The following CNOT1 variants were observed in gnomAD, a reference collection of about 807,000 sequenced individuals.
CNOT1 encodes CCR4-associated factor 1.
CNOT1 carries 15 observed loss-of-function variants against 273.8 expected under a neutral mutation model. That is an observed-to-expected ratio of 0.05 (90% CI 0.04 to 0.08). CNOT1 has a LOEUF of 0.08. Among genes scored for constraint, CNOT1 ranks in the 10% least tolerant of loss-of-function variants. The pLI, the probability that CNOT1 is intolerant of heterozygous loss-of-function variation, is 1.00. For synonymous variants in CNOT1, 1,022 were observed against 1,005.5 expected, an observed-to-expected ratio of 1.02 and a Z score of -0.31; for missense variants, 1,644 against 2,912.2, an observed-to-expected ratio of 0.56 and a Z score of 10.02.
At chr16:58,550,153 A>C (rs1217134987) in intron 24 of CNOT1, among the ~76,000 whole-genome samples, 1 of 152,244 alleles carries the variant, frequency 6.6e-6, no homozygotes, top group Non-Finnish European at 1.5e-5. Context: ...TAAAACATGT[A>C]GTACCCCATC....
intron 30 of CNOT1, among the ~76,000 whole-genome samples, chr16:58,544,277 T>C (rs2151918979): frequency 6.6e-6 from 1 of 152,202 alleles, no homozygotes; most frequent in East Asian, 1.9e-4. Context: ...GAATAAAGTT[T>C]ATAGAAAAAA....
intron 46 of CNOT1, among the ~76,000 whole-genome samples, chr16:58,524,781 C>G (rs1194295572): frequency 6.6e-6 from 1 of 152,082 alleles, no homozygotes; most frequent in Admixed American, 6.5e-5. Context: ...ACAGGAGAGT[C>G]CTATTCATTA....
rs1273242892 is a variant in CNOT1, at chr16:58,520,708, G to A, written c.*250C>T. 11 of 511,452 alleles carry A rather than the reference G, an allele frequency of 2.2e-5. No individual in the cohort carries two copies. The East Asian group carries it at 3.0e-4, about 14-fold the overall frequency. 31.7% of individuals were successfully genotyped at this position (511,452 alleles called of 1,614,324 possible). ...TCCAGACAAAGGTTTTCTCTTTCAT[G>A]TATTTACACAAGTTCAAAATGATAT... On this transcript the variant is annotated 3_prime_UTR_variant, in exon 49 of 49. Coordinates refer to ENST00000317147, the MANE Select transcript of CNOT1 (RefSeq NM_016284.5).
intron 2 of CNOT1, among the ~76,000 whole-genome samples, chr16:58,593,218 T>C (rs1483823323): frequency 1.3e-5 from 2 of 151,994 alleles, no homozygotes; most frequent in Non-Finnish European, 2.9e-5. Context: ...GAGGTTAGGA[T>C]TTTGAGACCA....
chr16:58,607,553 C>A, intron 1 of CNOT1, among the ~76,000 whole-genome samples: 1 of 151,354 alleles, frequency 6.6e-6, no homozygotes, highest in African/African-American at 2.4e-5. Flanking sequence ...ATGGAGAAAC[C>A]CCATCACTAC....
At chr16:58,545,907 C>T (rs1370244863) in intron 29 of CNOT1, among the ~76,000 whole-genome samples, 1 of 152,208 alleles carries the variant, frequency 6.6e-6, no homozygotes, top group African/African-American at 2.4e-5. Flanking sequence ...ATTCAACACT[C>T]CCATACCCTT....
intron 1 of CNOT1, among the ~76,000 whole-genome samples, chr16:58,605,694 G>C (rs2042651917): frequency 6.6e-6 from 1 of 151,972 alleles, no homozygotes; most frequent in Non-Finnish European, 1.5e-5. Flanking sequence ...TTTGAGACAG[G>C]GTCTCTGTCA....
chr16:58,522,383 C>T (rs965469779), intron 47 of CNOT1, among the ~76,000 whole-genome samples: 4 of 151,494 alleles, frequency 2.6e-5, no homozygotes, highest in Non-Finnish European at 5.9e-5. Context: ...ACAAAGATTA[C>T]AAGTCCAAGG....
chr16:58,560,203 C>G lies in CNOT1; in HGVS notation c.2130+9G>C. Reference sequence around the variant, plus strand: ...AAATGAAGATGTATCAAATGTAGCACTCATTTACCTGAACAGGAGAAATGG... The same window carrying G: ...AAATGAAGATGTATCAAATGTAGCAGTCATTTACCTGAACAGGAGAAATGG... On this transcript the variant is annotated intron_variant, in intron 17 of 48. Coordinates refer to ENST00000317147, the MANE Select transcript of CNOT1 (RefSeq NM_016284.5). 1 of 1,613,026 alleles carries G rather than the reference C, an allele frequency of 6.2e-7. No homozygotes were observed. The highest frequency in any genetic ancestry group is 8.5e-7 in the Non-Finnish European group (1 of 1,179,582).
intron 35 of CNOT1, among the ~76,000 whole-genome samples, chr16:58,539,480 C>CACACACACACACAG (rs1169336233): frequency 3.5e-4 from 52 of 148,674 alleles, no homozygotes; most frequent in South Asian, 3.0e-3. Flanking sequence ...CACACACACA[C>CACACACACACACAG]ACACACACAC....
intron 16 of CNOT1, among the ~76,000 whole-genome samples, chr16:58,572,547 G>A (rs2041311357): frequency 6.6e-6 from 1 of 151,950 alleles, no homozygotes; most frequent in South Asian, 2.1e-4. Context: ...GGGGGGAGGT[G>A]GAGGCTGCAG....
chr16:58,573,967 T>C (rs116535831), intron 16 of CNOT1, among the ~76,000 whole-genome samples: 2,380 of 152,036 alleles, frequency 0.016, 59 homozygotes, highest in African/African-American at 0.054. Flanking sequence ...AAACCAAAAA[T>C]AGCCCAGGTA....
intron 29 of CNOT1, 145 bp from the exon 30 acceptor site, chr16:58,545,636 C>T: frequency 7.1e-7 from 1 of 1,418,282 alleles, no homozygotes. Flanking sequence ...TCCTATTTTT[C>T]CCACCCTGAA....
rs1567394964 is a variant in CNOT1, at chr16:58,542,219, C to T, written c.4680+12G>A. 6.2e-7 allele frequency: 1 copy of T among 1,612,812 alleles called. No individual in the cohort carries two copies. Among genetic ancestry groups the T allele is most frequent in the African/African-American group, 1.3e-5 (1 of 74,928 alleles). On this transcript the variant is annotated intron_variant, in intron 33 of 48. Transcript: ENST00000317147. Reference sequence around the variant, plus strand: ...AAGATGGGACGGGGAAAGACAGAGCCCCAATTCTCACTTTCAGCCTGATTT... The same window carrying T: ...AAGATGGGACGGGGAAAGACAGAGCTCCAATTCTCACTTTCAGCCTGATTT...
chr16:58,560,605 A>G (rs2040802278), intron 16 of CNOT1, among the ~76,000 whole-genome samples: 1 of 152,150 alleles, frequency 6.6e-6, no homozygotes, highest in Non-Finnish European at 1.5e-5. Context: ...GAGGCTGGGC[A>G]CGGTGGCTCA....
rs567046725 is a variant in CNOT1, at chr16:58,592,575, C to T, written c.103-3669G>A. The stretch of plus-strand genomic sequence containing the variant: ...CTGCATTCCAGGCTGGTCAACACAC[C>T]AAGACTCCATCTCCCTAAAACAAAC... On this transcript the variant is annotated intron_variant, in intron 2 of 48. Coordinates refer to ENST00000317147, the MANE Select transcript of CNOT1 (RefSeq NM_016284.5). 2.2e-3 allele frequency among the ~76,000 whole-genome samples: 341 copies of T among 152,158 alleles called. 1 individual carries two copies. The highest frequency in any genetic ancestry group is 4.8e-3 in the Admixed American group (73 of 15,274).
chr16:58,528,697 T>A, intron 43 of CNOT1, 49 bp from the exon 44 acceptor site: 2 of 1,360,772 alleles, frequency 1.5e-6, no homozygotes, highest in Non-Finnish European at 2.1e-6. Flanking sequence ...GAAAATGGAG[T>A]AACATTTTCC....
At chr16:58,614,640 G>C (rs892513575) in intron 1 of CNOT1, among the ~76,000 whole-genome samples, 1 of 125,762 alleles carries the variant, frequency 8.0e-6, no homozygotes, top group East Asian at 2.0e-4. Context: ...TTTCCTCCCG[G>C]ATTCACCCCA....
At chr16:58,532,421 G>T in intron 40 of CNOT1, 26 bp from the exon 41 acceptor site, 1 of 1,604,150 alleles carries the variant, frequency 6.2e-7, no homozygotes, top group East Asian at 2.2e-5. Context: ...ATCAGAGCTT[G>T]TAAATCATTC....
Sources: gnomAD v4.1 joint callset for allele counts (sites outside exome capture counted in the v4.1 genomes callset) on GRCh38, gnomAD v4.1.1 for gene constraint, MANE v1.5 for transcripts, NCBI Gene and HGNC (gene_info 2026-07-23, HGNC 2026-07-21) for gene names.